The following PRR7 variants were observed in gnomAD, a reference collection of about 807,000 sequenced individuals.
PRR7 encodes proline-rich protein 7.
In PRR7, 8 loss-of-function variants were observed where a neutral mutation model predicts 18.5. The ratio of observed to expected loss-of-function variants is 0.43; its 90% CI spans 0.25 to 0.78. PRR7 has a LOEUF of 0.78. Ranked by LOEUF, PRR7 falls within the 30% of genes least tolerant of loss-of-function variation. PRR7 has a pLI of 0.22. For synonymous variants in PRR7, 221 were observed against 187.7 expected (o/e 1.18, Z -1.45); for missense variants, 396 against 403.1 (o/e 0.98, Z 0.15).
intron 1 of PRR7, chr5:177,448,423 C>G (rs1158940187): frequency 6.6e-6 from 1 of 152,164 alleles, no homozygotes; most frequent in African/African-American, 2.4e-5. Context: ...TTTATTATCC[C>G]CATTTTAGAG....
Position 177,455,519 on chromosome 5 carries a change from G to A in PRR7, c.427+25G>A. On this transcript the variant is annotated intron_variant, in intron 3 of 3. Coordinates refer to ENST00000323249, the MANE Select transcript of PRR7 (RefSeq NM_030567.5). The surrounding 1 kb of genome is among the most constrained non-coding windows in gnomAD (Gnocchi z 6.9). ...GGTGAGTACCGACCTCCGCCAGGGGGCGATCCGGGCCGCCGGAAGTGGGCG... is the reference window on the plus strand; with the variant it reads ...GGTGAGTACCGACCTCCGCCAGGGGACGATCCGGGCCGCCGGAAGTGGGCG... The A allele has an allele frequency of 6.9e-7, 1 of 1,456,012 alleles. No homozygotes were observed. The highest frequency in any genetic ancestry group is 9.0e-7 in the Non-Finnish European group (1 of 1,115,446). The allele number at this position is 1,456,012 out of a possible 1,614,324, so 90.2% of individuals were successfully genotyped here.
chr5:177,454,236 G>A lies in PRR7; in HGVS notation c.-240+196G>A, dbSNP rs979444012. Among the ~76,000 whole-genome samples, 1 of 152,188 alleles carries A rather than the reference G, an allele frequency of 6.6e-6. No individual in the cohort carries two copies. The highest frequency in any genetic ancestry group is 1.5e-5 in the Non-Finnish European group (1 of 68,026). ...GTGTGGCCCACGCCCGGCGCGGCGC[G>A]CTAGGCTCAGACAAAGGCAGGGCCG... is the stretch of plus-strand genomic sequence containing the variant. On this transcript the variant is annotated intron_variant, in intron 2 of 3. Transcript: ENST00000323249. This position sits in a 1 kb window ranked among gnomAD's most constrained non-coding sequence, Gnocchi z 4.7.
Position 177,454,981 on chromosome 5 carries a change from C to T in PRR7, c.-87C>T, listed in dbSNP as rs995694801. The T allele has an allele frequency of 1.5e-6, 2 of 1,363,608 alleles. No homozygotes were observed. The highest frequency in any genetic ancestry group is 3.0e-5 in the African/African-American group (2 of 66,654). The allele number at this position is 1,363,608 out of a possible 1,614,324, so 84.5% of individuals were successfully genotyped here. On this transcript the variant is annotated 5_prime_UTR_variant, in exon 3 of 4. Coordinates refer to ENST00000323249, the MANE Select transcript of PRR7 (RefSeq NM_030567.5). This position sits in a 1 kb window ranked among gnomAD's most constrained non-coding sequence, Gnocchi z 4.7. ...GGGTCCCCGAGTGACGCTGGCGGCA[C>T]CTGAGAGTGTGGCGCGGGCCCGGGG... is the stretch of plus-strand genomic sequence containing the variant.
At chr5:177,446,501 C>G (rs1283995282), upstream of PRR7, 1 of 152,498 alleles carries the variant, frequency 6.6e-6, no homozygotes, top group Non-Finnish European at 1.5e-5. The surrounding 1 kb of genome is among the most constrained non-coding windows in gnomAD (Gnocchi z 5.3). Flanking sequence ...CGTCCGGGTT[C>G]TCGACCTCAG....
rs545583744 is a variant in PRR7 at position 177,449,098 on chromosome 5, T to C, written c.-325+2138T>C. Among the ~76,000 whole-genome samples, 1 of 152,360 alleles carries C rather than the reference T, an allele frequency of 6.6e-6. No individual in the cohort carries two copies. Among genetic ancestry groups the C allele is most frequent in the Admixed American group, 6.5e-5 (1 of 15,304 alleles). On this transcript the variant is annotated intron_variant, in intron 1 of 3. Transcript: ENST00000323249. The surrounding 1 kb of genome is among the most constrained non-coding windows in gnomAD (Gnocchi z 4.2). ...CAAGATGAACCAGAAATCCAGACCT[T>C]TATATAAAATCTCCTGGATTTTTAA...
chr5:177,446,040 C>T (rs2127385058), upstream of PRR7: 1 of 140,380 alleles, frequency 7.1e-6, no homozygotes. This position sits in a 1 kb window ranked among gnomAD's most constrained non-coding sequence, Gnocchi z 5.3. Context: ...GGAGTTCTGT[C>T]ACTTCAACCC....
chr5:177,456,177 T>G lies in PRR7; in HGVS notation c.*56T>G. The stretch of plus-strand genomic sequence containing the variant: ...CGGACTCCTGGCCTGACTGCGGGGC[T>G]TTTTAAATGCTTCCCTGGACTGCGG... On this transcript the variant is annotated 3_prime_UTR_variant, in exon 4 of 4. Transcript: ENST00000323249. 1 of 1,375,742 alleles carries G rather than the reference T, an allele frequency of 7.3e-7. No homozygotes were observed. The highest frequency in any genetic ancestry group is 9.4e-7 in the Non-Finnish European group (1 of 1,065,146). 85.2% of individuals were successfully genotyped at this position (1,375,742 alleles called of 1,614,324 possible). A position where few individuals can be genotyped will look rare whatever the true frequency, so the allele number is the denominator to read the frequency against.
intron 1 of PRR7, among the ~76,000 whole-genome samples, chr5:177,451,960 C>T (rs1282932394): frequency 6.6e-6 from 1 of 152,190 alleles, no homozygotes; most frequent in Non-Finnish European, 1.5e-5. Context: ...TCATCTTCAC[C>T]GATGAGGAAA....
chr5:177,455,597 G>A lies in PRR7; in HGVS notation c.427+103G>A. Reference sequence around the variant, plus strand: ...CAGGGCTTCCATCCGCAGCCTCCGGGAGAACACGGGCGGCGGCGGGCTCGG... The same window carrying A: ...CAGGGCTTCCATCCGCAGCCTCCGGAAGAACACGGGCGGCGGCGGGCTCGG... On this transcript the variant is annotated intron_variant, in intron 3 of 3. Transcript: ENST00000323249. This position sits in a 1 kb window ranked among gnomAD's most constrained non-coding sequence, Gnocchi z 6.9. The A allele has an allele frequency of 7.1e-7, 1 of 1,403,334 alleles. No homozygotes were observed. The highest frequency in any genetic ancestry group is 9.3e-7 in the Non-Finnish European group (1 of 1,081,066). The allele number at this position is 1,403,334 out of a possible 1,614,324, so 86.9% of individuals were successfully genotyped here. A position where few individuals can be genotyped will look rare whatever the true frequency, so the allele number is the denominator to read the frequency against.
At position 177,450,404 on chromosome 5, in the gene PRR7, G is replaced by A. The variant is rs1756127153; in HGVS notation, c.-325+3444G>A. Among the ~76,000 whole-genome samples the A allele has an allele frequency of 6.6e-6, 1 of 152,212 alleles. No individual in the cohort carries two copies. Among genetic ancestry groups the A allele is most frequent in the Non-Finnish European group, 1.5e-5 (1 of 68,044 alleles). ...TCTCCACTTGCTTATGAACTGCCCT[G>A]CCAGGCGGGGGCTGGGTGATGGCTC... is the stretch of plus-strand genomic sequence containing the variant. On this transcript the variant is annotated intron_variant, in intron 1 of 3. Transcript: ENST00000323249. This position sits in a 1 kb window ranked among gnomAD's most constrained non-coding sequence, Gnocchi z 6.6.
intron 1 of PRR7, among the ~76,000 whole-genome samples, chr5:177,447,384 G>C (rs1038085216): frequency 3.3e-5 from 5 of 152,172 alleles, no homozygotes; most frequent in African/African-American, 1.2e-4. Flanking sequence ...CGTCGAGGGT[G>C]GGGGTGGGGG....
Position 177,456,157 on chromosome 5 carries a change from T to C in PRR7, c.*36T>C. On this transcript the variant is annotated 3_prime_UTR_variant, in exon 4 of 4. Transcript: ENST00000323249. ...GGCGCCCCGGGCCCCACCGGCGGAC[T>C]CCTGGCCTGACTGCGGGGCTTTTTA... 1 of 1,400,650 alleles carries C rather than the reference T, an allele frequency of 7.1e-7. No homozygotes were observed. The allele number at this position is 1,400,650 out of a possible 1,614,324, so 86.8% of individuals were successfully genotyped here.
Position 177,454,994 on chromosome 5 carries a change from C to T in PRR7, c.-74C>T. ...ACGCTGGCGGCACCTGAGAGTGTGG[C>T]GCGGGCCCGGGGCCACGCAGCGGAG... On this transcript the variant is annotated 5_prime_UTR_variant, in exon 3 of 4. Transcript: ENST00000323249. This position sits in a 1 kb window ranked among gnomAD's most constrained non-coding sequence, Gnocchi z 4.7. 1.5e-6 allele frequency: 2 copies of T among 1,373,666 alleles called. No homozygotes were observed. Among genetic ancestry groups the T allele is most frequent in the Non-Finnish European group, 1.9e-6 (2 of 1,064,256 alleles). 85.1% of individuals were successfully genotyped at this position (1,373,666 alleles called of 1,614,324 possible). A position where few individuals can be genotyped will look rare whatever the true frequency, so the allele number is the denominator to read the frequency against.
Position 177,455,140 on chromosome 5 carries a change from G to C in PRR7, c.73G>C (p.Val25Leu). The C allele has an allele frequency of 6.4e-7, 1 of 1,564,372 alleles. No homozygotes were observed. Among genetic ancestry groups the C allele is most frequent in the Non-Finnish European group, 8.6e-7 (1 of 1,158,964 alleles). ...AGFWLIWGLI[V>L]LLCCFCSFLR... ...CTTCTGGCTCATCTGGGGTCTCATC[G>C]TCCTGCTCTGCTGCTTCTGCAGCTT... Residue 25 changes from valine (V) to leucine (L), a missense_variant, in exon 3 of 4, where the codon GTC becomes CTC. By Grantham distance (32) the Val-to-Leu change is conservative (BLOSUM62 1). Transcript: ENST00000323249. This position sits in a 1 kb window ranked among gnomAD's most constrained non-coding sequence, Gnocchi z 6.9.
At position 177,449,561 on chromosome 5, in the gene PRR7, G is replaced by A. The variant is rs1200447184; in HGVS notation, c.-325+2601G>A. On this transcript the variant is annotated intron_variant, in intron 1 of 3. Coordinates refer to ENST00000323249, the MANE Select transcript of PRR7 (RefSeq NM_030567.5). The surrounding 1 kb of genome is among the most constrained non-coding windows in gnomAD (Gnocchi z 4.2). ...GCCCGTGGGGCCGCCTCCCCTGGGA[G>A]GTCAGATCATTATTTCCATGCCAGC... Among the ~76,000 whole-genome samples, 13 of 152,212 alleles carry A rather than the reference G, an allele frequency of 8.5e-5. No individual in the cohort carries two copies. Among genetic ancestry groups the A allele is most frequent in the African/African-American group, 3.1e-4 (13 of 41,456 alleles).
Position 177,455,400 on chromosome 5 carries a change from G to A in PRR7, c.333G>A (p.Ala111=). 1 of 1,494,156 alleles carries A rather than the reference G, an allele frequency of 6.7e-7. No homozygotes were observed. Among genetic ancestry groups the A allele is most frequent in the Non-Finnish European group, 8.9e-7 (1 of 1,128,656 alleles). The allele number at this position is 1,494,156 out of a possible 1,614,324, so 92.6% of individuals were successfully genotyped here. Residue 111 remains alanine (A), a synonymous_variant, in exon 3 of 4, where the codon GCG becomes GCA. Transcript: ENST00000323249. This position sits in a 1 kb window ranked among gnomAD's most constrained non-coding sequence, Gnocchi z 6.9. ...LLHHGPAQPH[A]HAHPHPHHHA... ...ACCACGGGCCCGCGCAGCCGCACGC[G>A]CACGCGCACCCACACCCGCACCACC...
chr5:177,453,880 G>C (rs1237129807), intron 1 of PRR7, 76 bp from the exon 2 acceptor site: 1 of 152,286 alleles, frequency 6.6e-6, no homozygotes, highest in African/African-American at 2.4e-5. Flanking sequence ...GCTCAGTTCT[G>C]TTCTGTGGGG....
Position 177,455,423 on chromosome 5 carries a change from A to C in PRR7, c.356A>C (p.His119Pro). The C allele has an allele frequency of 6.7e-7, 1 of 1,503,398 alleles. No individual in the cohort carries two copies. The highest frequency in any genetic ancestry group is 2.7e-5 in the East Asian group (1 of 36,610). 93.1% of individuals were successfully genotyped at this position (1,503,398 alleles called of 1,614,324 possible). ...GCGCACGCGCACCCACACCCGCACC[A>C]CCACGCGCTCCCGCACCCGCCGCCT... Reference protein sequence around the residue: ...PHAHAHPHPHHHALPHPPPTH... With the variant: ...PHAHAHPHPHPHALPHPPPTH... The change falls in exon 3 of 4, where the codon CAC becomes CCC. Residue 119 changes from histidine (H) to proline (P), a missense_variant. His to Pro is a moderately conservative substitution (Grantham distance 77, BLOSUM62 -2). Transcript: ENST00000323249. This position sits in a 1 kb window ranked among gnomAD's most constrained non-coding sequence, Gnocchi z 6.9.
intron 1 of PRR7, among the ~76,000 whole-genome samples, chr5:177,452,243 G>T (rs1756196767): frequency 6.6e-6 from 1 of 152,228 alleles, no homozygotes. Context: ...GGGTAGGTAG[G>T]AGGAGGCACG....
Sources: gnomAD v4.1 joint callset for allele counts (sites outside exome capture counted in the v4.1 genomes callset) on GRCh38, gnomAD v4.1.1 for gene constraint, Gnocchi (gnomAD v3.1) non-coding constraint, MANE v1.5 for transcripts, NCBI Gene and HGNC (gene_info 2026-07-23, HGNC 2026-07-21) for gene names.